LURAP1L: variants seen among roughly 807,000 people sequenced by gnomAD.
LURAP1L encodes leucine rich adaptor protein 1-like.
LURAP1L carries 12 observed loss-of-function variants against 13.8 expected under a neutral mutation model. The observed-to-expected ratio is 0.87, with a 90% CI of 0.56 to 1.41. LURAP1L has a LOEUF of 1.41. Among genes scored for constraint, LURAP1L ranks in the 40% most tolerant of loss-of-function variants. LURAP1L has a pLI of 0.00. For missense variants in LURAP1L, 375 were observed against 292.9 expected (o/e 1.28, Z -2.04); for synonymous variants, 139 against 119.2 (o/e 1.17, Z -1.08).
rs1819885957 is a variant in LURAP1L at position 12,821,825 on chromosome 9, T to C, written c.*65T>C. The C allele has an allele frequency of 6.6e-7, 1 of 1,517,188 alleles. No individual in the cohort carries two copies. Among genetic ancestry groups the C allele is most frequent in the Admixed American group, 2.1e-5 (1 of 46,954 alleles). 94.0% of individuals were successfully genotyped at this position (1,517,188 alleles called of 1,614,324 possible). A position where few individuals can be genotyped will look rare whatever the true frequency, so the allele number is the denominator to read the frequency against. ...TATTTATCCTTCTTCTCCGCTGCTA[T>C]ATTTTTGGTGTGATTTTTATTTTAA... On this transcript the variant is annotated 3_prime_UTR_variant, in exon 2 of 2. Transcript: ENST00000319264.
At chr9:12,789,215 G>C (rs1426932184) in intron 1 of LURAP1L, among the ~76,000 whole-genome samples, 2 of 152,108 alleles carry the variant, frequency 1.3e-5, no homozygotes, top group African/African-American at 2.4e-5. Flanking sequence ...TTTTTCTAGA[G>C]ATGTGCTTTT....
At chr9:12,802,514 C>T (rs1819600846) in intron 1 of LURAP1L, among the ~76,000 whole-genome samples, 1 of 152,208 alleles carries the variant, frequency 6.6e-6, no homozygotes. Flanking sequence ...CAGAAAGTTT[C>T]CTGAGGCCTC....
chr9:12,792,798 A>T (rs1317279466), intron 1 of LURAP1L, among the ~76,000 whole-genome samples: 1 of 152,006 alleles, frequency 6.6e-6, no homozygotes, highest in East Asian at 1.9e-4. Flanking sequence ...AGGAATCCTG[A>T]CCCTGACAAC....
At chr9:12,821,137 G>T (rs898879345) in intron 1 of LURAP1L, among the ~76,000 whole-genome samples, 1 of 152,188 alleles carries the variant, frequency 6.6e-6, no homozygotes, top group Non-Finnish European at 1.5e-5. Flanking sequence ...CACTTGGTTA[G>T]GGTCAGGGAT....
At chr9:12,805,577 G>A (rs946103226) in intron 1 of LURAP1L, among the ~76,000 whole-genome samples, 2 of 152,072 alleles carry the variant, frequency 1.3e-5, no homozygotes, top group African/African-American at 4.8e-5. Flanking sequence ...CAGACAAATA[G>A]ACACACAAAA....
At position 12,775,936 on chromosome 9, in the gene LURAP1L, C is replaced by G; in HGVS notation, c.221C>G (p.Ser74Trp). ...CCTCCCTCCTTGTCGTCCTCCTCTTCGTCCTCCCCAACCTCTGGCTCCCCA... is the reference window on the plus strand; with the variant it reads ...CCTCCCTCCTTGTCGTCCTCCTCTTGGTCCTCCCCAACCTCTGGCTCCCCA... ...SFPPSLSSSS[S>W]SSPTSGSPRG... Residue 74 changes from serine to tryptophan, a missense_variant, in exon 1 of 2, where the codon TCG becomes TGG. Transcript: ENST00000319264. 1.3e-6 allele frequency: 2 copies of G among 1,579,856 alleles called. No individual in the cohort carries two copies. The highest frequency in any genetic ancestry group is 1.7e-6 in the Non-Finnish European group (2 of 1,162,920).
chr9:12,788,976 A>G (rs1444256187), intron 1 of LURAP1L, among the ~76,000 whole-genome samples: 1 of 151,374 alleles, frequency 6.6e-6, no homozygotes, highest in African/African-American at 2.4e-5. Context: ...CAGGGTCAGG[A>G]GGATCTCTGG....
intron 1 of LURAP1L, among the ~76,000 whole-genome samples, chr9:12,779,247 C>T (rs1385993098): frequency 6.6e-6 from 1 of 150,564 alleles, no homozygotes; most frequent in Non-Finnish European, 1.5e-5. Context: ...TATGTATTAT[C>T]CCGTTGAAAT....
intron 1 of LURAP1L, among the ~76,000 whole-genome samples, chr9:12,791,586 A>T (rs1319122385): frequency 6.6e-6 from 1 of 151,724 alleles, no homozygotes; most frequent in African/African-American, 2.4e-5. Flanking sequence ...TATATCCCTT[A>T]TCCACATTCC....
intron 1 of LURAP1L, among the ~76,000 whole-genome samples, chr9:12,806,665 G>T (rs1007790596): frequency 1.3e-5 from 2 of 151,744 alleles, no homozygotes; most frequent in Admixed American, 1.3e-4. Flanking sequence ...TATTCTCAAG[G>T]AATTTTGAAA....
chr9:12,817,826 T>C (rs886524259), intron 1 of LURAP1L, among the ~76,000 whole-genome samples: 3 of 152,194 alleles, frequency 2.0e-5, no homozygotes, highest in South Asian at 2.1e-4. Flanking sequence ...GAATTGCTCA[T>C]ACTTTCAAGG....
rs953036614 is a variant in LURAP1L, at chr9:12,788,380, A to G, written c.312+12353A>G. Among the ~76,000 whole-genome samples the G allele has an allele frequency of 2.0e-5, 3 of 152,258 alleles. No homozygotes were observed. The South Asian group carries it at 6.2e-4, about 32-fold the overall frequency. On this transcript the variant is annotated intron_variant, in intron 1 of 1. Coordinates refer to ENST00000319264, the MANE Select transcript of LURAP1L (RefSeq NM_203403.2). ...AGTATACATTCAAAAACACCTTTAAAGTTAAACTGACACTATATTTTTAAA... is the reference window on the plus strand; with the variant it reads ...AGTATACATTCAAAAACACCTTTAAGGTTAAACTGACACTATATTTTTAAA...
intron 1 of LURAP1L, among the ~76,000 whole-genome samples, chr9:12,808,902 G>A (rs115691659): frequency 6.6e-6 from 1 of 152,104 alleles, no homozygotes; most frequent in Admixed American, 6.5e-5. Flanking sequence ...ACCTGAGACT[G>A]GTTAATGTAT....
In LURAP1L at chr9:12,822,002, C is replaced by T; in HGVS notation, c.*242C>T. On this transcript the variant is annotated 3_prime_UTR_variant, in exon 2 of 2. Transcript: ENST00000319264. ...GATTTTCTCCCTTCTTTTACAGTAG[C>T]ACAAACAAAGTAGGGGGAAAAGAAT... 1 of 412,160 alleles carries T rather than the reference C, an allele frequency of 2.4e-6. No homozygotes were observed. The highest frequency in any genetic ancestry group is 4.3e-6 in the Non-Finnish European group (1 of 235,106). 25.5% of individuals were successfully genotyped at this position (412,160 alleles called of 1,614,324 possible).
At position 12,821,837 on chromosome 9, in the gene LURAP1L, G is replaced by A. The variant is rs1393935770; in HGVS notation, c.*77G>A. ...TTCTCCGCTGCTATATTTTTGGTGT[G>A]ATTTTTATTTTAATAAGATGACCTT... On this transcript the variant is annotated 3_prime_UTR_variant, in exon 2 of 2. Transcript: ENST00000319264. The A allele has an allele frequency of 6.7e-7, 1 of 1,493,290 alleles. No homozygotes were observed. Among genetic ancestry groups the A allele is most frequent in the Non-Finnish European group, 8.9e-7 (1 of 1,119,988 alleles). The allele number at this position is 1,493,290 out of a possible 1,614,324, so 92.5% of individuals were successfully genotyped here. A position where few individuals can be genotyped will look rare whatever the true frequency, so the allele number is the denominator to read the frequency against.
intron 1 of LURAP1L, chr9:12,777,396 C>G (rs749593325): frequency 1.6e-5 from 16 of 985,064 alleles, no homozygotes; most frequent in South Asian, 4.7e-5. Context: ...CTATTTTCCA[C>G]AAGAAAATTT....
intron 1 of LURAP1L, among the ~76,000 whole-genome samples, chr9:12,792,971 G>T (rs944732542): frequency 7.2e-5 from 11 of 151,968 alleles, no homozygotes; most frequent in Admixed American, 6.6e-4. Flanking sequence ...AAGAAACTTA[G>T]AATAACTAAG....
intron 1 of LURAP1L, among the ~76,000 whole-genome samples, chr9:12,804,530 A>G (rs1429205172): frequency 6.6e-6 from 1 of 151,900 alleles, no homozygotes; most frequent in Non-Finnish European, 1.5e-5. Flanking sequence ...TTTAGTCGAA[A>G]TGGAGTTTCA....
At chr9:12,776,284 G>A (rs188441676) in intron 1 of LURAP1L, among the ~76,000 whole-genome samples, 18 of 152,244 alleles carry the variant, frequency 1.2e-4, no homozygotes, top group Admixed American at 1.2e-3. Context: ...GTGTACTTTC[G>A]GACAACGCGA....
Sources: gnomAD v4.1 joint callset for allele counts (sites outside exome capture counted in the v4.1 genomes callset) on GRCh38, gnomAD v4.1.1 for gene constraint, MANE v1.5 for transcripts, NCBI Gene and HGNC (gene_info 2026-07-23, HGNC 2026-07-21) for gene names.